The following MEGF10 variants were observed in gnomAD, a reference collection of about 807,000 sequenced individuals.
MEGF10 encodes the protein multiple epidermal growth factor-like domains protein 10.
Under a neutral mutation model 147.5 loss-of-function variants are expected in MEGF10, and 86 were observed. That is an observed-to-expected ratio of 0.58 (90% CI 0.49 to 0.70). MEGF10 has a LOEUF of 0.70. Among genes scored for constraint, MEGF10 ranks in the 30% least tolerant of loss-of-function variants. The probability of loss-of-function intolerance (pLI) is 0.00; values close to 1 mark genes in which losing one functional copy is unlikely to be tolerated. For missense variants in MEGF10, 1,329 were observed against 1,487.3 expected (o/e 0.89, Z 1.75); for synonymous variants, 478 against 525.5 (o/e 0.91, Z 1.24).
intron 1 of MEGF10, among the ~76,000 whole-genome samples, chr5:127,305,004 A>G (rs904452591): frequency 5.3e-5 from 8 of 152,262 alleles, no homozygotes; most frequent in Admixed American, 1.3e-4. Flanking sequence ...AAACATTAAA[A>G]GAGTATTTGT....
chr5:127,400,328 G>A (rs749506159), intron 7 of MEGF10, among the ~76,000 whole-genome samples: 9 of 152,162 alleles, frequency 5.9e-5, no homozygotes, highest in Non-Finnish European at 1.3e-4. Context: ...TGTTTAAGGA[G>A]TACTGAGCAG....
intron 5 of MEGF10, among the ~76,000 whole-genome samples, chr5:127,393,810 G>GTTTTT (rs11414651): frequency 1.4e-5 from 2 of 147,608 alleles, no homozygotes; most frequent in Admixed American, 6.8e-5. Context: ...TATCTTCAAA[G>GTTTTT]TTTTTTTTTT....
intron 9 of MEGF10, among the ~76,000 whole-genome samples, chr5:127,413,151 G>A (rs1443156213): frequency 6.6e-6 from 1 of 152,110 alleles, no homozygotes; most frequent in Non-Finnish European, 1.5e-5. Context: ...CTATCATGGA[G>A]CTGAAATGAA....
intron 1 of MEGF10, among the ~76,000 whole-genome samples, chr5:127,298,127 A>T (rs1352703933): frequency 6.6e-6 from 1 of 152,166 alleles, no homozygotes; most frequent in Non-Finnish European, 1.5e-5. Context: ...TTAGAACTAA[A>T]TGTTAAACAT....
intron 5 of MEGF10, among the ~76,000 whole-genome samples, chr5:127,396,280 A>C (rs1344066342): frequency 2.0e-5 from 3 of 152,198 alleles, no homozygotes; most frequent in Non-Finnish European, 4.4e-5. Context: ...GTCTGAGTAA[A>C]GGCATGGAGA....
chr5:127,412,793 G>A (rs1024784814), intron 9 of MEGF10, among the ~76,000 whole-genome samples: 6 of 152,150 alleles, frequency 3.9e-5, no homozygotes, highest in South Asian at 2.1e-4. Context: ...GCTCAACTTG[G>A]TGGTTCTTCT....
chr5:127,422,824 T>A, intron 13 of MEGF10, 52 bp downstream of exon 13: 1 of 1,317,662 alleles, frequency 7.6e-7, no homozygotes, highest in Non-Finnish European at 1.1e-6. Context: ...ATTTAACACC[T>A]AGTGCTGTTC....
rs893078096 is a variant in MEGF10, at chr5:127,402,551, A to C, written c.786A>C (p.Thr262=). Residue 262 remains threonine (T), a synonymous_variant, in exon 8 of 25, where the codon ACA becomes ACC. Coordinates refer to ENST00000503335, the MANE Select transcript of MEGF10 (RefSeq NM_001256545.2). ...CCAAGTCTCTTTGAATGCAGGGCAC[A>C]GTGTGTGGTCAGCCTTGCCCCGAGG... The part of the protein sequence containing the change: ...ECSCPSGWMG[T]VCGQPCPEGR... The C allele has an allele frequency of 1.9e-6, 3 of 1,613,342 alleles. No individual in the cohort carries two copies. The highest frequency in any genetic ancestry group is 2.2e-5 in the East Asian group (1 of 44,846).
intron 3 of MEGF10, among the ~76,000 whole-genome samples, chr5:127,339,833 C>T (rs1761610801): frequency 6.6e-6 from 1 of 152,138 alleles, no homozygotes; most frequent in Admixed American, 6.6e-5. Context: ...CACAAGCTGG[C>T]CTTGGCCACT....
chr5:127,278,468 G>C, the MEGF10 span, among the ~76,000 whole-genome samples: 1,410 of 152,328 alleles, frequency 9.3e-3, 15 homozygotes, highest in African/African-American at 0.03. Flanking sequence ...GAGAATAGCT[G>C]TAGGAGGAGA....
At chr5:127,378,481 C>CT (rs1763117523) in intron 5 of MEGF10, among the ~76,000 whole-genome samples, 1 of 152,174 alleles carries the variant, frequency 6.6e-6, no homozygotes, top group Non-Finnish European at 1.5e-5. Flanking sequence ...GAGACTGGGT[C>CT]TTGCTCTGTC....
chr5:127,339,931 A>T (rs1401713956), intron 3 of MEGF10, among the ~76,000 whole-genome samples: 1 of 152,170 alleles, frequency 6.6e-6, no homozygotes, highest in Non-Finnish European at 1.5e-5. Flanking sequence ...ATTACCTGCC[A>T]TTATATGATC....
chr5:127,363,567 A>G (rs548062933), intron 4 of MEGF10, among the ~76,000 whole-genome samples: 10 of 152,296 alleles, frequency 6.6e-5, no homozygotes, highest in African/African-American at 2.4e-4. Context: ...AGAAAGAGGG[A>G]CAATAAATGT....
chr5:127,377,667 A>G (rs1483352017), intron 5 of MEGF10, among the ~76,000 whole-genome samples: 1 of 152,204 alleles, frequency 6.6e-6, no homozygotes, highest in African/African-American at 2.4e-5. Context: ...GGGGGAATCC[A>G]TTTGAAGGAT....
rs35796097 is a variant in MEGF10 at position 127,299,745 on chromosome 5, GT to G, written c.-19+8702del. On this transcript the variant is annotated intron_variant, in intron 1 of 24. Transcript: ENST00000503335. ...GTGGCTTTTCTTTTCTTTCCTTTTT[GT>G]TTTTTTTTTTTTAAGTTAGGCACAG... Among the ~76,000 whole-genome samples, 88,277 of 146,006 alleles carry G rather than the reference GT, an allele frequency of 0.6. 26,610 individuals are homozygous for G. The highest frequency in any genetic ancestry group is 0.65 in the Middle Eastern group (184 of 282).
At chr5:127,270,288 A>G in the MEGF10 span, among the ~76,000 whole-genome samples, 7 of 152,222 alleles carry the variant, frequency 4.6e-5, no homozygotes, top group African/African-American at 1.7e-4. Context: ...CCAGACTGGC[A>G]AATTGGATAA....
intron 1 of MEGF10, among the ~76,000 whole-genome samples, chr5:127,325,906 TA>T (rs771733114): frequency 0.24 from 11,054 of 45,448 alleles, 650 homozygotes; most frequent in African/African-American, 0.37. Context: ...TATATATATA[TA>T]TATTTTTTTT....
chr5:127,388,274 G>T (rs1763509063), intron 5 of MEGF10, among the ~76,000 whole-genome samples: 1 of 151,172 alleles, frequency 6.6e-6, no homozygotes, highest in Middle Eastern at 3.2e-3. Flanking sequence ...TCAGCCTCCT[G>T]AGTAGCTGGG....
intron 21 of MEGF10, among the ~76,000 whole-genome samples, chr5:127,448,267 C>A (rs1449241470): frequency 6.6e-6 from 1 of 152,168 alleles, no homozygotes; most frequent in Non-Finnish European, 1.5e-5. Flanking sequence ...CATTTCTAAT[C>A]ACTTAAAAAT....
Sources: allele counts gnomAD v4.1 joint callset (sites outside exome capture counted in the v4.1 genomes callset), GRCh38; gene constraint gnomAD v4.1.1; transcripts MANE v1.5; gene names NCBI Gene and HGNC (gene_info 2026-07-23, HGNC 2026-07-21).